ANXA4: variants seen among roughly 807,000 people sequenced by gnomAD.
The protein encoded by ANXA4 is 35-beta calcimedin.
ANXA4 carries 39 observed loss-of-function variants against 49.8 expected under a neutral mutation model. The observed-to-expected ratio is 0.78, with a 90% CI of 0.61 to 1.02. The LOEUF is 1.02. Ranked by LOEUF, ANXA4 falls within the 50% of genes least tolerant of loss-of-function variation. The pLI is 0.00. For synonymous variants in ANXA4, 134 were observed against 152.5 expected (o/e 0.88, Z 0.89); for missense variants, 360 against 410.1 (o/e 0.88, Z 1.05).
At chr2:69,692,442 T>C (rs1211880513) in intron 2 of ANXA4, among the ~76,000 whole-genome samples, 1 of 152,254 alleles carries the variant, frequency 6.6e-6, no homozygotes, top group Non-Finnish European at 1.5e-5. Context: ...TTCATCCTAA[T>C]GAACGCCTAC....
intron 1 of ANXA4, among the ~76,000 whole-genome samples, chr2:69,757,175 C>T (rs1197758333): frequency 7.5e-5 from 11 of 147,276 alleles, no homozygotes; most frequent in African/African-American, 2.2e-4. Context: ...GTGATCTGCC[C>T]GCCTCAGCCT....
intron 1 of ANXA4, among the ~76,000 whole-genome samples, chr2:69,651,397 G>T (rs1215660701): frequency 6.6e-6 from 1 of 152,124 alleles, no homozygotes. Flanking sequence ...TCATTACCTT[G>T]TCTAGTTTCT....
At chr2:69,734,363 T>C (rs1670187098) in intron 3 of ANXA4, among the ~76,000 whole-genome samples, 1 of 152,190 alleles carries the variant, frequency 6.6e-6, no homozygotes, top group Non-Finnish European at 1.5e-5. Context: ...GCATGTAGAC[T>C]AAGCTAATCA....
intron 2 of ANXA4, among the ~76,000 whole-genome samples, chr2:69,669,127 T>A (rs1008529906): frequency 6.6e-6 from 1 of 151,366 alleles, no homozygotes; most frequent in African/African-American, 2.4e-5. Flanking sequence ...GTATTTTTAG[T>A]AGAGATGGGG....
chr2:69,805,930 A>G (rs949789961), intron 4 of ANXA4, among the ~76,000 whole-genome samples: 3 of 152,228 alleles, frequency 2.0e-5, no homozygotes, highest in Non-Finnish European at 4.4e-5. Flanking sequence ...ATTTTAATGA[A>G]AAATAGCTAT....
intron 2 of ANXA4, among the ~76,000 whole-genome samples, chr2:69,678,049 T>C (rs1159469866): frequency 6.6e-6 from 1 of 152,222 alleles, no homozygotes; most frequent in Non-Finnish European, 1.5e-5. Flanking sequence ...AACTTTTATA[T>C]GCACTGAGAA....
At position 69,810,624 on chromosome 2, in the gene ANXA4, G is replaced by A. The variant is rs145539836; in HGVS notation, c.428G>A (p.Arg143His). Residue 143 changes from arginine (R) to histidine (H), a missense_variant, in exon 7 of 13, where the codon CGC (arginine) becomes CAC (histidine). By Grantham distance (29) the Arg-to-His change is conservative. Transcript: ENST00000394295. ...GGACGGAGCCTTGAAGATGACATTCGCTCTGACACATCGTTCATGTTCCAG... is the reference window on the plus strand; with the variant it reads ...GGACGGAGCCTTGAAGATGACATTCACTCTGACACATCGTTCATGTTCCAG... The part of the protein sequence containing the change: ...QYGRSLEDDI[R>H]SDTSFMFQRV... 6.3e-5 allele frequency: 102 copies of A among 1,614,048 alleles called. 1 individual carries two copies. The East Asian group carries it at 9.6e-4, about 15-fold the overall frequency.
intron 5 of ANXA4, 33 bp downstream of exon 5, chr2:69,806,531 G>C: frequency 6.4e-7 from 1 of 1,561,764 alleles, no homozygotes; most frequent in Non-Finnish European, 8.8e-7. Flanking sequence ...TCTTGGTGCT[G>C]TTGGTGCAAA....
chr2:69,785,584 CTGAGTTTTTGTTTTA>C (rs1672381682), intron 2 of ANXA4, among the ~76,000 whole-genome samples: 1 of 112,080 alleles, frequency 8.9e-6, no homozygotes, highest in African/African-American at 3.7e-5. Flanking sequence ...GATGATGTTT[CTGAGTTTTTGTTTTA>C]GTGTTTACTT....
At chr2:69,702,858 G>A (rs1206299136) in intron 2 of ANXA4, among the ~76,000 whole-genome samples, 4 of 152,076 alleles carry the variant, frequency 2.6e-5, no homozygotes, top group Non-Finnish European at 4.4e-5. Flanking sequence ...ATATAAAACT[G>A]TTCATTTCTA....
At chr2:69,647,754 G>C (rs1676066024) in intron 1 of ANXA4, among the ~76,000 whole-genome samples, 1 of 151,910 alleles carries the variant, frequency 6.6e-6, no homozygotes, top group Non-Finnish European at 1.5e-5. Flanking sequence ...ATGGGGTCTT[G>C]CTTTGTTGCC....
At chr2:69,789,186 T>C (rs1245495333) in intron 3 of ANXA4, among the ~76,000 whole-genome samples, 1 of 152,172 alleles carries the variant, frequency 6.6e-6, no homozygotes, top group East Asian at 1.9e-4. Context: ...CAACAACCTG[T>C]GATTTAGTGA....
At chr2:69,660,320 G>T (rs1406206817) in intron 2 of ANXA4, among the ~76,000 whole-genome samples, 1 of 152,050 alleles carries the variant, frequency 6.6e-6, no homozygotes, top group African/African-American at 2.4e-5. Context: ...GCACTTACAG[G>T]AGCAAACGTA....
intron 2 of ANXA4, among the ~76,000 whole-genome samples, chr2:69,663,720 CT>C (rs1467049431): frequency 6.6e-6 from 1 of 152,004 alleles, no homozygotes; most frequent in Admixed American, 6.6e-5. Flanking sequence ...AAATGGAGTT[CT>C]TTTAAATTAA....
chr2:69,663,641 C>G, intron 2 of ANXA4, among the ~76,000 whole-genome samples: 1 of 151,910 alleles, frequency 6.6e-6, no homozygotes, highest in Non-Finnish European at 1.5e-5. Flanking sequence ...GCACTCTAGC[C>G]TGGGTGACAT....
In ANXA4 at chr2:69,806,492, C is replaced by G; in HGVS notation, c.300C>G (p.Ala100=). The G allele has an allele frequency of 6.2e-7, 1 of 1,613,338 alleles. No individual in the cohort carries two copies. Among genetic ancestry groups the G allele is most frequent in the Non-Finnish European group, 8.5e-7 (1 of 1,179,330 alleles). ...VLYDVQELRR[A]MKGAGTDEGC... is the part of the protein sequence containing the mutation. Reference sequence around the variant, plus strand: ...ATGACGTGCAAGAGCTGCGAAGGGCCATGAAGGTCTGTGCTCTTCCTCTCG... The same window carrying G: ...ATGACGTGCAAGAGCTGCGAAGGGCGATGAAGGTCTGTGCTCTTCCTCTCG... Residue 100 remains alanine, a synonymous_variant, in exon 5 of 13, where the codon GCC becomes GCG. Coordinates refer to ENST00000394295, the MANE Select transcript of ANXA4 (RefSeq NM_001153.5).
chr2:69,758,456 C>T (rs2105515797), intron 1 of ANXA4, among the ~76,000 whole-genome samples: 1 of 152,152 alleles, frequency 6.6e-6, no homozygotes. Flanking sequence ...TCTACCTCTG[C>T]AAAAAAATTT....
chr2:69,663,079 G>A (rs140455311), intron 2 of ANXA4, among the ~76,000 whole-genome samples: 9,988 of 140,580 alleles, frequency 0.071, 1,014 homozygotes, highest in East Asian at 0.38. Context: ...TGCAAGCTCC[G>A]CCTCCCAGGT....
chr2:69,664,207 A>G (rs570551242), intron 2 of ANXA4, among the ~76,000 whole-genome samples: 2 of 152,350 alleles, frequency 1.3e-5, no homozygotes, highest in East Asian at 3.9e-4. Flanking sequence ...TGTAGTAGTA[A>G]AGCGTGGGGG....
Sources: gnomAD v4.1 joint callset for allele counts (sites outside exome capture counted in the v4.1 genomes callset) on GRCh38, gnomAD v4.1.1 for gene constraint, MANE v1.5 for transcripts, NCBI Gene and HGNC (gene_info 2026-07-23, HGNC 2026-07-21) for gene names.